The following PMS1 variants were observed in gnomAD, a reference collection of about 807,000 sequenced individuals.
The protein encoded by PMS1 is PMS1 protein homolog 1.
PMS1 carries 79 observed loss-of-function variants against 93.1 expected under a neutral mutation model. The ratio of observed to expected loss-of-function variants is 0.85; its 90% confidence interval spans 0.71 to 1.02. PMS1 has a LOEUF of 1.02. PMS1 is among the 50% of genes least tolerant of loss of function. The probability of loss-of-function intolerance (pLI) is 0.00; values close to 1 mark genes in which losing one functional copy is unlikely to be tolerated. For synonymous variants in PMS1, 335 were observed against 363.4 expected (o/e 0.92, Z 0.89); for missense variants, 1,064 against 1,085.3 (o/e 0.98, Z 0.28).
At chr2:189,798,757 A>ATTTTTTTTTTTTTTTTTTTTT (rs757864750) in intron 3 of PMS1, among the ~76,000 whole-genome samples, 1 of 79,936 alleles carries the variant, frequency 1.3e-5, no homozygotes, top group African/African-American at 4.6e-5. Context: ...TAAGTATTTG[A>ATTTTTTTTTTTTTTTTTTTTT]TTTTTTTTTT....
At chr2:189,845,962 G>A (rs1366127726) in intron 6 of PMS1, among the ~76,000 whole-genome samples, 1 of 152,046 alleles carries the variant, frequency 6.6e-6, no homozygotes, top group Non-Finnish European at 1.5e-5. Flanking sequence ...GACCTCAAGT[G>A]ATCTGCCCAC....
At position 189,867,741 on chromosome 2, in the gene PMS1, C is replaced by G. The variant is rs774812831; in HGVS notation, c.2343-58C>G. Reference sequence around the variant, plus strand: ...AAGGGCCCTAGGATTAACTTTTTCCCGTAAACCCCCTTATTTTGTGTTTTT... The same window carrying G: ...AAGGGCCCTAGGATTAACTTTTTCCGGTAAACCCCCTTATTTTGTGTTTTT... On this transcript the variant is annotated intron_variant, in intron 10 of 12. Transcript: ENST00000441310. 4.6e-6 allele frequency: 6 copies of G among 1,315,096 alleles called. No individual in the cohort carries two copies. The African/African-American group carries it at 8.7e-5, about 19-fold the overall frequency. 81.5% of individuals were successfully genotyped at this position (1,315,096 alleles called of 1,614,324 possible).
intron 2 of PMS1, among the ~76,000 whole-genome samples, chr2:189,793,728 A>C (rs571394164): frequency 1.3e-5 from 2 of 152,220 alleles, no homozygotes; most frequent in African/African-American, 4.8e-5. Context: ...TAAATATTTT[A>C]ATCTGGCTGT....
At chr2:189,867,517 A>C (rs972007224) in intron 10 of PMS1, among the ~76,000 whole-genome samples, 1 of 150,796 alleles carries the variant, frequency 6.6e-6, no homozygotes, top group Non-Finnish European at 1.5e-5. Flanking sequence ...AATTATTTAT[A>C]AAGTTTTCAT....
chr2:189,839,123 C>T (rs2053620042), intron 5 of PMS1, among the ~76,000 whole-genome samples: 1 of 152,082 alleles, frequency 6.6e-6, no homozygotes, highest in African/African-American at 2.4e-5. Flanking sequence ...TCCCAAGTAG[C>T]TAGGATTATG....
intron 6 of PMS1, among the ~76,000 whole-genome samples, chr2:189,846,567 T>C (rs897133814): frequency 4.0e-5 from 6 of 151,678 alleles, no homozygotes; most frequent in Admixed American, 2.0e-4. Context: ...TAGTCCCAGC[T>C]ACTTGGGAGG....
Position 189,818,180 on chromosome 2 carries a change from G to A in PMS1, c.582G>A (p.Lys194=). 6.4e-7 allele frequency: 1 copy of A among 1,566,036 alleles called. No homozygotes were observed. The highest frequency in any genetic ancestry group is 8.8e-7 in the Non-Finnish European group (1 of 1,137,892). Residue 194 remains lysine, a splice_region_variant and synonymous_variant, in exon 5 of 13, where the codon AAG becomes AAA. Coordinates refer to ENST00000441310, the MANE Select transcript of PMS1 (RefSeq NM_000534.5). ...TAAGGATTGTCTTTGTACATAACAAGGTAAACATTATTTTATCTTTATAAG... is the reference window on the plus strand; with the variant it reads ...TAAGGATTGTCTTTGTACATAACAAAGTAAACATTATTTTATCTTTATAAG... The part of the protein sequence containing the change: ...PDLRIVFVHN[K]AVIWQKSRVS...
chr2:189,841,682 A>T (rs1025707890), intron 5 of PMS1, among the ~76,000 whole-genome samples: 1 of 151,966 alleles, frequency 6.6e-6, no homozygotes, highest in East Asian at 2.0e-4. Context: ...CCTTTGGTCC[A>T]GTCTCCTCTC....
At chr2:189,876,520 T>G (rs2057580245) in intron 12 of PMS1, among the ~76,000 whole-genome samples, 1 of 152,216 alleles carries the variant, frequency 6.6e-6, no homozygotes, top group Admixed American at 6.5e-5. Flanking sequence ...ACAACTATGA[T>G]GCACCCACAC....
intron 1 of PMS1, among the ~76,000 whole-genome samples, chr2:189,788,896 C>T (rs2048602050): frequency 6.6e-6 from 1 of 152,054 alleles, no homozygotes; most frequent in South Asian, 2.1e-4. Context: ...CGAGGTAATT[C>T]TGAAGCTTTG....
intron 3 of PMS1, among the ~76,000 whole-genome samples, chr2:189,799,474 A>G (rs1322583010): frequency 2.6e-5 from 4 of 152,340 alleles, no homozygotes; most frequent in Non-Finnish European, 5.9e-5. Flanking sequence ...GGTAACTGCT[A>G]TTCAGACCTC....
intron 2 of PMS1, among the ~76,000 whole-genome samples, chr2:189,793,222 T>G: frequency 6.6e-6 from 1 of 152,166 alleles, no homozygotes; most frequent in East Asian, 1.9e-4. Context: ...TAAAACCCAT[T>G]CTTGATCTTC....
At chr2:189,830,413 A>G (rs5743067) in intron 5 of PMS1, among the ~76,000 whole-genome samples, 7,460 of 152,068 alleles carry the variant, frequency 0.049, 274 homozygotes, top group African/African-American at 0.097. Context: ...TCAATCCTCA[A>G]CTTTTAGGTC....
chr2:189,838,442 C>T (rs2106395764), intron 5 of PMS1, among the ~76,000 whole-genome samples: 1 of 152,286 alleles, frequency 6.6e-6, no homozygotes, highest in South Asian at 2.1e-4. Flanking sequence ...AGACTCAACA[C>T]TCAACACTGA....
At chr2:189,804,177 C>T (rs1452979027) in intron 3 of PMS1, among the ~76,000 whole-genome samples, 1 of 152,092 alleles carries the variant, frequency 6.6e-6, no homozygotes, top group African/African-American at 2.4e-5. Flanking sequence ...GTTCCAGGGC[C>T]GCCTTTGCTC....
At chr2:189,791,615 C>CAAAA in intron 1 of PMS1, 175 bp from the exon 2 acceptor site, 1 of 411,094 alleles carries the variant, frequency 2.4e-6, no homozygotes, top group Non-Finnish European at 4.3e-6. Context: ...ATTTCATCTC[C>CAAAA]AAAAAAAAAA....
At chr2:189,859,414 A>G (rs1343870746) in intron 9 of PMS1, among the ~76,000 whole-genome samples, 5 of 152,188 alleles carry the variant, frequency 3.3e-5, no homozygotes, top group African/African-American at 9.7e-5. Flanking sequence ...AGTCTGTGTT[A>G]TTAATCACCA....
chr2:189,853,520 C>T (rs113590318), intron 7 of PMS1, among the ~76,000 whole-genome samples: 292 of 141,372 alleles, frequency 2.1e-3, no homozygotes, highest in African/African-American at 7.3e-3. Flanking sequence ...CTTTTCTTTT[C>T]TTTTTTTTTT....
At position 189,792,688 on chromosome 2, in the gene PMS1, A is replaced by T. The variant is rs868697881; in HGVS notation, c.132+747A>T. Among the ~76,000 whole-genome samples, 28 of 127,260 alleles carry T rather than the reference A, an allele frequency of 2.2e-4. No individual in the cohort carries two copies. The East Asian group carries it at 5.8e-3, about 26-fold the overall frequency. 83.5% of individuals were successfully genotyped at this position (127,260 alleles called of 152,430 possible). ...AAACATGTATATATATATGGACACA[A>T]ATATATATATATATATATATATATA... On this transcript the variant is annotated intron_variant, in intron 2 of 12. Transcript: ENST00000441310.
Sources: allele counts gnomAD v4.1 joint callset (sites outside exome capture counted in the v4.1 genomes callset), GRCh38; gene constraint gnomAD v4.1.1; transcripts MANE v1.5; gene names NCBI Gene and HGNC (gene_info 2026-07-23, HGNC 2026-07-21).